Variants in KANSL3 observed in about 807,000 individuals in gnomAD.
KANSL3 encodes NSL complex protein NSL3.
KANSL3 carries 16 observed loss-of-function variants against 89.2 expected under a neutral mutation model. The observed-to-expected ratio is 0.18, with a 90% confidence interval of 0.12 to 0.27. KANSL3 has a LOEUF of 0.27. Ranked by LOEUF, KANSL3 falls within the 10% of genes least tolerant of loss-of-function variation. The pLI is 1.00. For synonymous variants in KANSL3, 385 were observed against 419.7 expected (o/e 0.92, Z 1.01); for missense variants, 879 against 1,110.6 (o/e 0.79, Z 2.96).
At position 96,609,033 on chromosome 2, in the gene KANSL3, A is replaced by T; in HGVS notation, c.1415T>A (p.Leu472His). 6.4e-7 allele frequency: 1 copy of T among 1,563,630 alleles called. No homozygotes were observed. ...DEIVDFLTGV[L>H]TRAEGHMGSE... Reference sequence around the variant, plus strand: ...GCCCATGTGACCCTCAGCACGAGTGAGCACTCCAGTCAGAAAGTCCACAAT... The same window carrying T: ...GCCCATGTGACCCTCAGCACGAGTGTGCACTCCAGTCAGAAAGTCCACAAT... The change falls in exon 13 of 21, where the codon CTC becomes CAC. Residue 472 changes from leucine (L) to histidine (H), a missense_variant. Around this residue, in one of 6 missense-constraint regions of KANSL3, gnomAD observed 317 missense variants for 311.2 expected, o/e 1.02. Coordinates refer to ENST00000431828, the MANE Select transcript of KANSL3 (RefSeq NM_001115016.3).
intron 5 of KANSL3, chr2:96,615,464 T>C (rs772530619): frequency 1.1e-4 from 131 of 1,225,282 alleles, no homozygotes; most frequent in Non-Finnish European, 1.3e-4. Context: ...GATGTGCAAA[T>C]ATAGGTTTCA....
chr2:96,635,588 AATT>A (rs1327049587), intron 2 of KANSL3, among the ~76,000 whole-genome samples: 2 of 152,238 alleles, frequency 1.3e-5, no homozygotes, highest in Non-Finnish European at 2.9e-5. Flanking sequence ...GATTATGCTA[AATT>A]ATTGCCTAAA....
downstream of KANSL3, among the ~76,000 whole-genome samples, chr2:96,588,735 C>T (rs535444781): frequency 6.6e-5 from 10 of 151,534 alleles, no homozygotes; most frequent in African/African-American, 2.2e-4. Flanking sequence ...GGATTACAGG[C>T]GCCCACCACC....
At chr2:96,585,463 T>G in the KANSL3 span, among the ~76,000 whole-genome samples, 1 of 152,094 alleles carries the variant, frequency 6.6e-6, no homozygotes, top group Admixed American at 6.5e-5. Context: ...AACTAAAAAT[T>G]TTAAAATAAT....
At chr2:96,601,867 A>G (rs2067233417) in intron 19 of KANSL3, 91 bp from the exon 20 acceptor site, 1 of 1,458,682 alleles carries the variant, frequency 6.9e-7, no homozygotes, top group Non-Finnish European at 9.1e-7. Flanking sequence ...TCCCCCACAT[A>G]ACACAGTCCC....
At chr2:96,620,876 C>A (rs772788006) in intron 3 of KANSL3, among the ~76,000 whole-genome samples, 1 of 152,070 alleles carries the variant, frequency 6.6e-6, no homozygotes, top group Non-Finnish European at 1.5e-5. Context: ...GTGGTGCGTG[C>A]CTGTAGCCCC....
chr2:96,602,280 G>C lies in KANSL3; in HGVS notation c.2318C>G (p.Thr773Ser), dbSNP rs1183873785. Residue 773 changes from threonine (T) to serine (S), a missense_variant, in exon 19 of 21, where the codon ACC (threonine) becomes AGC (serine). This residue lies in a region of KANSL3 where 89 missense variants were observed against 139.7 expected (regional missense o/e 0.64). Transcript: ENST00000431828. ...AGGAATGGTACGGACAATGGTGCTG[G>C]TGCCCGTGGTGATGGCACCCAGGCT... ...MQSLGAITTG[T>S]STIVRTIPVA... The C allele has an allele frequency of 2.5e-6, 4 of 1,612,554 alleles. No individual in the cohort carries two copies. The highest frequency in any genetic ancestry group is 2.5e-6 in the Non-Finnish European group (3 of 1,179,440).
intron 11 of KANSL3, among the ~76,000 whole-genome samples, chr2:96,609,930 G>A (rs1399725956): frequency 5.4e-5 from 6 of 111,128 alleles, no homozygotes; most frequent in South Asian, 3.2e-4. Flanking sequence ...CAGCATAGGC[G>A]ACAGAGCCAG....
Position 96,608,955 on chromosome 2 carries a change from G to C in KANSL3, c.1493C>G (p.Ala498Gly). The change falls in exon 13 of 21, where the codon GCC becomes GGC. Residue 498 changes from alanine (A) to glycine (G), a missense_variant. Transcript: ENST00000431828. ...GACTTCAAAGGCCAAGTCTCTGCGG[G>C]CCACATCGCGGGGCTTCTTCTTCTT... is the stretch of plus-strand genomic sequence containing the variant. ...AEKKKKPRDV[A>G]RRDLAFEVPE... 1 of 1,563,656 alleles carries C rather than the reference G, an allele frequency of 6.4e-7. No individual in the cohort carries two copies. Among genetic ancestry groups the C allele is most frequent in the Non-Finnish European group, 8.7e-7 (1 of 1,153,834 alleles).
chr2:96,613,910 A>C (rs1230753383), intron 5 of KANSL3, among the ~76,000 whole-genome samples: 2 of 152,168 alleles, frequency 1.3e-5, no homozygotes, highest in Non-Finnish European at 2.9e-5. Context: ...GAACCTTTCC[A>C]AAGAAAACGT....
In KANSL3 at chr2:96,609,609, G is replaced by A. The variant is rs768262969; in HGVS notation, c.1320-47C>T. 1.0e-5 allele frequency: 15 copies of A among 1,466,150 alleles called. No individual in the cohort carries two copies. The East Asian group carries it at 2.9e-4, about 29-fold the overall frequency. 90.8% of individuals were successfully genotyped at this position (1,466,150 alleles called of 1,614,324 possible). A position where few individuals can be genotyped will look rare whatever the true frequency, so the allele number is the denominator to read the frequency against. ...ATGTTTACTTCTTACACATTGCACG[G>A]CATCCTATGAAAATAAGAACGTATT... is the stretch of plus-strand genomic sequence containing the variant. On this transcript the variant is annotated intron_variant, in intron 11 of 20. Coordinates refer to ENST00000431828, the MANE Select transcript of KANSL3 (RefSeq NM_001115016.3).
chr2:96,606,399 T>G (rs2067982027), intron 14 of KANSL3: 1 of 152,490 alleles, frequency 6.6e-6, no homozygotes, highest in Admixed American at 6.5e-5. Context: ...TCCACCCTAG[T>G]CCTCTTGTAG....
intron 1 of KANSL3, 101 bp from the exon 2 acceptor site, chr2:96,637,286 ATT>A: frequency 1.2e-5 from 7 of 585,134 alleles, no homozygotes; most frequent in Non-Finnish European, 1.8e-5. Context: ...TATCATTCCT[ATT>A]GAGTATCCAT....
At position 96,601,853 on chromosome 2, in the gene KANSL3, C is replaced by T. The variant is rs2067230630; in HGVS notation, c.2483-77G>A. Reference sequence around the variant, plus strand: ...ACTGAGGCTTTCCTTTCCTGGAGAGCTTCTCCCCCACATAACACAGTCCCT... The same window carrying T: ...ACTGAGGCTTTCCTTTCCTGGAGAGTTTCTCCCCCACATAACACAGTCCCT... On this transcript the variant is annotated intron_variant, in intron 19 of 20. Coordinates refer to ENST00000431828, the MANE Select transcript of KANSL3 (RefSeq NM_001115016.3). The T allele has an allele frequency of 3.4e-6, 5 of 1,471,948 alleles. No individual in the cohort carries two copies. In the African/African-American group the frequency reaches 7.1e-5, roughly 21 times the overall value. 91.2% of individuals were successfully genotyped at this position (1,471,948 alleles called of 1,614,324 possible).
chr2:96,613,440 T>G (rs1172897026), intron 6 of KANSL3, 48 bp downstream of exon 6: 1 of 1,531,866 alleles, frequency 6.5e-7, no homozygotes, highest in African/African-American at 1.4e-5. Flanking sequence ...AAGGCTTGAG[T>G]CTAAAATTTT....
downstream of KANSL3, among the ~76,000 whole-genome samples, chr2:96,590,987 AAAAAC>A (rs61301801): frequency 0.018 from 2,774 of 151,552 alleles, 32 homozygotes; most frequent in East Asian, 0.033. Context: ...CTCCGTCTCA[AAAAAC>A]AAAACAAAAC....
chr2:96,613,434 C>T, intron 6 of KANSL3, 54 bp downstream of exon 6: 1 of 1,504,724 alleles, frequency 6.6e-7, no homozygotes, highest in South Asian at 1.2e-5. Flanking sequence ...GGTTCTAAGG[C>T]TTGAGTCTAA....
At chr2:96,600,583 T>C (rs528287846) in intron 20 of KANSL3, 5 of 985,266 alleles carry the variant, frequency 5.1e-6, no homozygotes, top group South Asian at 9.4e-5. Context: ...CAGGTTGACA[T>C]GGTGGAAAGG....
At chr2:96,618,223 CTCTT>C (rs1234516028) in intron 5 of KANSL3, among the ~76,000 whole-genome samples, 3 of 150,082 alleles carry the variant, frequency 2.0e-5, no homozygotes, top group Non-Finnish European at 2.9e-5. Flanking sequence ...CTCTCTCTCT[CTCTT>C]TCTTAGAGAC....
Sources: allele counts gnomAD v4.1 joint callset (sites outside exome capture counted in the v4.1 genomes callset), GRCh38; gene constraint gnomAD v4.1.1; regional missense constraint gnomAD v4.1.1; transcripts MANE v1.5; gene names NCBI Gene and HGNC (gene_info 2026-07-23, HGNC 2026-07-21).